Variants in RAD51B observed in about 807,000 individuals in gnomAD.
RAD51B encodes the protein DNA repair protein RAD51 homolog 2.
Under a neutral mutation model 42.2 loss-of-function variants are expected in RAD51B, and 38 were observed. That is an observed-to-expected ratio of 0.90 (90% CI 0.70 to 1.18). The LOEUF (loss-of-function observed/expected upper bound fraction) is 1.18. RAD51B is among the 50% of genes most tolerant of loss of function. The pLI, the probability that RAD51B is intolerant of heterozygous loss-of-function variation, is 0.00. For missense variants in RAD51B, 373 were observed against 400.7 expected (o/e 0.93, Z 0.59); for synonymous variants, 154 against 145.2 (o/e 1.06, Z -0.43).
At chr14:68,350,304 T>C (rs1253337021) in intron 8 of RAD51B, among the ~76,000 whole-genome samples, 2 of 152,258 alleles carry the variant, frequency 1.3e-5, no homozygotes, top group African/African-American at 4.8e-5. Flanking sequence ...TTCAGAATGA[T>C]GGCTAAGCAA....
rs140492066 is a variant in RAD51B at position 68,062,363 on chromosome 14, G to T, written c.756+175159G>T. 7.2e-5 allele frequency among the ~76,000 whole-genome samples: 11 copies of T among 152,216 alleles called. No homozygotes were observed. The East Asian group carries it at 2.1e-3, about 29-fold the overall frequency. On this transcript the variant is annotated intron_variant, in intron 7 of 10. Coordinates refer to ENST00000471583, the MANE Select transcript of RAD51B (RefSeq NM_133510.4). ...TATTGGCCTGTAGTTTTCTCTTTTG[G>T]TTGTGTCCTTGTCTGGTTTTGGTAT... is the stretch of plus-strand genomic sequence containing the variant.
intron 7 of RAD51B, among the ~76,000 whole-genome samples, chr14:68,021,513 AT>A (rs543546072): frequency 5.1e-4 from 77 of 152,278 alleles, no homozygotes; most frequent in Middle Eastern, 3.4e-3. Flanking sequence ...TTCACCTACT[AT>A]AAAATACTCT....
At chr14:68,152,479 T>C (rs2078409474) in intron 7 of RAD51B, among the ~76,000 whole-genome samples, 1 of 152,192 alleles carries the variant, frequency 6.6e-6, no homozygotes, top group Non-Finnish European at 1.5e-5. Context: ...GGACTTTTCA[T>C]GTTGTTGTGG....
intron 11 of RAD51B, among the ~76,000 whole-genome samples, chr14:68,670,908 G>A (rs921379913): frequency 6.6e-6 from 1 of 152,078 alleles, no homozygotes; most frequent in African/African-American, 2.4e-5. Context: ...TAGCCAAGGC[G>A]AGCCAAGCCA....
intron 7 of RAD51B, among the ~76,000 whole-genome samples, chr14:67,901,163 C>T (rs1397656252): frequency 6.6e-6 from 1 of 152,136 alleles, no homozygotes; most frequent in East Asian, 1.9e-4. Context: ...GCTAAAGTTC[C>T]CTCCTAAGGA....
chr14:68,105,505 G>C (rs2077361689), intron 7 of RAD51B, among the ~76,000 whole-genome samples: 1 of 151,926 alleles, frequency 6.6e-6, no homozygotes, highest in Non-Finnish European at 1.5e-5. Flanking sequence ...CTGGGGGTCA[G>C]GATGGGAGAA....
At chr14:67,978,237 A>T (rs750071748) in intron 7 of RAD51B, among the ~76,000 whole-genome samples, 1 of 152,192 alleles carries the variant, frequency 6.6e-6, no homozygotes, top group Non-Finnish European at 1.5e-5. Context: ...TTCAGCCAAG[A>T]TTCCTGTCTT....
chr14:68,140,445 T>A (rs1018381663), intron 7 of RAD51B, among the ~76,000 whole-genome samples: 1 of 152,192 alleles, frequency 6.6e-6, no homozygotes, highest in South Asian at 2.1e-4. Flanking sequence ...ACCTTAGCAA[T>A]AACCCCTAAC....
chr14:68,442,133 T>TAA (rs2085312748), intron 9 of RAD51B, among the ~76,000 whole-genome samples: 1 of 152,206 alleles, frequency 6.6e-6, no homozygotes, highest in African/African-American at 2.4e-5. Context: ...CCATGGCCAG[T>TAA]CAACAGCACG....
intron 7 of RAD51B, among the ~76,000 whole-genome samples, chr14:68,244,754 G>T (rs955717777): frequency 6.6e-6 from 1 of 152,122 alleles, no homozygotes; most frequent in Non-Finnish European, 1.5e-5. Context: ...ACCCATGCAT[G>T]GCCATTGTGT....
intron 10 of RAD51B, among the ~76,000 whole-genome samples, chr14:68,471,234 C>T (rs372094314): frequency 1.3e-5 from 2 of 152,276 alleles, no homozygotes; most frequent in East Asian, 3.9e-4. Flanking sequence ...CTGTGGCCGA[C>T]ATTCGGTCTT....
At position 67,865,132 on chromosome 14, in the gene RAD51B, G is replaced by A. The variant is rs1288538257; in HGVS notation, c.445G>A (p.Ala149Thr). Residue 149 changes from alanine (A) to threonine (T), a missense_variant, in exon 5 of 11, where the codon GCT (alanine) becomes ACT (threonine). Transcript: ENST00000471583. ...VYIDTESAFS[A>T]ERLVEIAESR... is the part of the protein sequence containing the mutation. ...CATTGACACAGAGTCTGCATTTAGT[G>A]CTGAAAGGTATGAGATTTTATTTTC... The A allele has an allele frequency of 1.9e-6, 3 of 1,592,278 alleles. No individual in the cohort carries two copies. The South Asian group carries it at 3.4e-5, about 18-fold the overall frequency.
chr14:68,159,793 C>T (rs2078598378), intron 7 of RAD51B, among the ~76,000 whole-genome samples: 1 of 152,030 alleles, frequency 6.6e-6, no homozygotes, highest in Non-Finnish European at 1.5e-5. Flanking sequence ...ACTCCCGTTC[C>T]AGATGTTTGT....
At chr14:68,125,244 T>C (rs948653484) in intron 7 of RAD51B, 9 of 152,064 alleles carry the variant, frequency 5.9e-5, no homozygotes, top group African/African-American at 1.9e-4. Context: ...TCTAAGGGGG[T>C]GAAAAAAGAT....
At chr14:68,356,803 A>G (rs1431679570) in intron 8 of RAD51B, among the ~76,000 whole-genome samples, 1 of 151,448 alleles carries the variant, frequency 6.6e-6, no homozygotes, top group Non-Finnish European at 1.5e-5. Flanking sequence ...AAAACGGTGA[A>G]ACCCCGTCTC....
chr14:68,456,434 A>G (rs1472191258), intron 9 of RAD51B, among the ~76,000 whole-genome samples: 1 of 152,238 alleles, frequency 6.6e-6, no homozygotes, highest in Non-Finnish European at 1.5e-5. Flanking sequence ...TGGAATGGCT[A>G]TGCTACTATC....
chr14:68,431,425 C>T (rs2085003137), intron 9 of RAD51B, among the ~76,000 whole-genome samples: 1 of 152,192 alleles, frequency 6.6e-6, no homozygotes, highest in African/African-American at 2.4e-5. Flanking sequence ...GCCTCAATTT[C>T]AGAGCCTGTT....
At chr14:68,463,182 G>A (rs2717215) in intron 9 of RAD51B, among the ~76,000 whole-genome samples, 151,955 of 152,318 alleles carry the variant, frequency 1, 75,797 homozygotes, top group East Asian at 1. Flanking sequence ...TGTCTGCTTT[G>A]GAAGAGGATA....
At chr14:67,895,267 C>G (rs2043374890) in intron 7 of RAD51B, among the ~76,000 whole-genome samples, 1 of 152,164 alleles carries the variant, frequency 6.6e-6, no homozygotes, top group Non-Finnish European at 1.5e-5. Flanking sequence ...GTAGAATTTT[C>G]TAACTGAAGA....
Sources: allele counts gnomAD v4.1 joint callset (sites outside exome capture counted in the v4.1 genomes callset), GRCh38; gene constraint gnomAD v4.1.1; transcripts MANE v1.5; gene names NCBI Gene and HGNC (gene_info 2026-07-23, HGNC 2026-07-21).